The following TERT variants were observed in gnomAD, a reference collection of about 807,000 sequenced individuals.
TERT encodes the protein telomerase catalytic subunit.
In TERT, 42 loss-of-function variants were observed where a neutral mutation model predicts 104.0. The ratio of observed to expected loss-of-function variants is 0.40; its 90% confidence interval spans 0.32 to 0.52. The LOEUF is 0.52. Ranked by LOEUF, TERT falls within the 20% of genes least tolerant of loss-of-function variation. The probability of loss-of-function intolerance (pLI) is 0.43; values close to 1 mark genes in which losing one functional copy is unlikely to be tolerated. For missense variants in TERT, 1,101 were observed against 1,610.3 expected (o/e 0.68, Z 5.41); for synonymous variants, 781 against 725.6 (o/e 1.08, Z -1.23).
rs770410182 is a variant in TERT, at chr5:1,293,320, C to T, written c.1566G>A (p.Arg522=). ...CGGCCACCACCTCCTCACCTGGGCT[C>T]CTGCGCAGCCAAGCGCAGTCCCGCA... ...MSVRDCAWLR[R]SPGVGCVPAA... The change falls in exon 2 of 16, where the codon AGG becomes AGA. Residue 522 remains arginine, a synonymous_variant. Transcript: ENST00000310581. The T allele has an allele frequency of 1.9e-6, 3 of 1,612,978 alleles. No homozygotes were observed. The highest frequency in any genetic ancestry group is 2.2e-5 in the East Asian group (1 of 44,888).
At position 1,294,657 on chromosome 5, in the gene TERT, G is replaced by A. The variant is rs1751271727; in HGVS notation, c.229C>T (p.Leu77=). 1 of 1,595,398 alleles carries A rather than the reference G, an allele frequency of 6.3e-7. No individual in the cohort carries two copies. The highest frequency in any genetic ancestry group is 8.5e-7 in the Non-Finnish European group (1 of 1,178,686). The part of the protein sequence containing the change: ...AAPSFRQVSC[L]KELVARVLQR... ...AGCACTCGGGCCACCAGCTCCTTCA[G>A]GCAGGACACCTGCGGGGGAAGCGCC... Residue 77 remains leucine, a synonymous_variant, in exon 2 of 16, where the codon CTG becomes TTG. Coordinates refer to ENST00000310581, the MANE Select transcript of TERT (RefSeq NM_198253.3).
Position 1,287,226 on chromosome 5 carries a change from C to CAAA in TERT, c.1574-4603_1574-4602insTTT. On this transcript the variant is annotated intron_variant, in intron 2 of 15. Coordinates refer to ENST00000310581, the MANE Select transcript of TERT (RefSeq NM_198253.3). This position sits in a 1 kb window ranked among gnomAD's most constrained non-coding sequence, Gnocchi z 4.3. ...TAAAAGTGTTGAAAATTAGGCCAGACATGGTGGCTCATGCCTGTAATTCAG... is the reference window on the plus strand; with the variant it reads ...TAAAAGTGTTGAAAATTAGGCCAGACAAAATGGTGGCTCATGCCTGTAATTCAG... 6.6e-6 allele frequency among the ~76,000 whole-genome samples: 1 copy of CAAA among 152,124 alleles called. No homozygotes were observed. Among genetic ancestry groups the CAAA allele is most frequent in the South Asian group, 2.1e-4 (1 of 4,820 alleles).
At position 1,262,980 on chromosome 5, in the gene TERT, G is replaced by C. The variant is rs1184400058; in HGVS notation, c.2843+1424C>G. Among the ~76,000 whole-genome samples, 1 of 152,226 alleles carries C rather than the reference G, an allele frequency of 6.6e-6. No homozygotes were observed. Among genetic ancestry groups the C allele is most frequent in the Non-Finnish European group, 1.5e-5 (1 of 68,044 alleles). ...AGGCCAGGACCAGGTAAGGCTGTGA[G>C]AGGGAAGCAGGGACTGTGGGGAGCA... is the stretch of plus-strand genomic sequence containing the variant. On this transcript the variant is annotated intron_variant, in intron 11 of 15. Transcript: ENST00000310581. The surrounding 1 kb of genome is among the most constrained non-coding windows in gnomAD (Gnocchi z 5.6).
rs138068423 is a variant in TERT at position 1,263,584 on chromosome 5, T to A, written c.2843+820A>T. On this transcript the variant is annotated intron_variant, in intron 11 of 15. Coordinates refer to ENST00000310581, the MANE Select transcript of TERT (RefSeq NM_198253.3). This position sits in a 1 kb window ranked among gnomAD's most constrained non-coding sequence, Gnocchi z 5.3. ...AGGCCAGGCTAATTTTTGTATTTTT[T>A]AAGTAGAAATGGAATTTCACTATGT... 3.3e-3 allele frequency among the ~76,000 whole-genome samples: 509 copies of A among 152,312 alleles called. 2 individuals are homozygous for A. The highest frequency in any genetic ancestry group is 0.012 in the African/African-American group (485 of 41,570).
Position 1,255,416 on chromosome 5 carries a change from G to C in TERT, c.3033-5C>G. 6.2e-7 allele frequency: 1 copy of C among 1,614,060 alleles called. No homozygotes were observed. Among genetic ancestry groups the C allele is most frequent in the Non-Finnish European group, 8.5e-7 (1 of 1,180,032 alleles). ...TGCAGCACACATGCGTGAAACCTGA[G>C]AGGATGGCGGACAGCGTCAGAGGAA... On this transcript the variant is annotated splice_polypyrimidine_tract_variant and splice_region_variant and intron_variant, in intron 13 of 15. Coordinates refer to ENST00000310581, the MANE Select transcript of TERT (RefSeq NM_198253.3). The surrounding 1 kb of genome is among the most constrained non-coding windows in gnomAD (Gnocchi z 6.9).
In TERT at chr5:1,265,129, C is replaced by G. The variant is rs1748499456; in HGVS notation, c.2655-537G>C. On this transcript the variant is annotated intron_variant, in intron 10 of 15. Coordinates refer to ENST00000310581, the MANE Select transcript of TERT (RefSeq NM_198253.3). The surrounding 1 kb of genome is among the most constrained non-coding windows in gnomAD (Gnocchi z 6.9). Reference sequence around the variant, plus strand: ...CTGTGAGCTGGGCAACACCAGTCGTCAGCTTCACGTCAAGGAGGTTCCCTC... The same window carrying G: ...CTGTGAGCTGGGCAACACCAGTCGTGAGCTTCACGTCAAGGAGGTTCCCTC... 6.6e-6 allele frequency among the ~76,000 whole-genome samples: 1 copy of G among 152,212 alleles called. No individual in the cohort carries two copies. Among genetic ancestry groups the G allele is most frequent in the Admixed American group, 6.5e-5 (1 of 15,290 alleles).
At position 1,288,954 on chromosome 5, in the gene TERT, A is replaced by G. The variant is rs548657537; in HGVS notation, c.1573+4359T>C. On this transcript the variant is annotated intron_variant, in intron 2 of 15. Coordinates refer to ENST00000310581, the MANE Select transcript of TERT (RefSeq NM_198253.3). The surrounding 1 kb of genome is among the most constrained non-coding windows in gnomAD (Gnocchi z 5.3). ...AGAAGAGCCGAGCATCAGAAAAGAT[A>G]GGCTTGGGGACCAGCACTGCGCCTG... Among the ~76,000 whole-genome samples the G allele has an allele frequency of 2.6e-5, 4 of 152,298 alleles. No individual in the cohort carries two copies. The South Asian group carries it at 8.3e-4, about 32-fold the overall frequency.
In TERT at chr5:1,255,876, T is replaced by G. The variant is rs1256389922; in HGVS notation, c.3033-465A>C. On this transcript the variant is annotated intron_variant, in intron 13 of 15. Transcript: ENST00000310581. This position sits in a 1 kb window ranked among gnomAD's most constrained non-coding sequence, Gnocchi z 6.9. ...CCTTCTGAGCCACCCGCCCCTGTGG[T>G]GCATAAACCCTGGGTCTGGGGTGAT... 6.6e-6 allele frequency among the ~76,000 whole-genome samples: 1 copy of G among 152,090 alleles called. No individual in the cohort carries two copies. The highest frequency in any genetic ancestry group is 1.5e-5 in the Non-Finnish European group (1 of 68,002).
chr5:1,289,749 C>CA (rs1750752640), intron 2 of TERT, among the ~76,000 whole-genome samples: 2 of 101,946 alleles, frequency 2.0e-5, no homozygotes, highest in East Asian at 2.9e-4. Context: ...CAGGGACACC[C>CA]GGGGACAGTG....
At chr5:1,290,613 G>A (rs1194708456) in intron 2 of TERT, among the ~76,000 whole-genome samples, 8 of 61,960 alleles carry the variant, frequency 1.3e-4, no homozygotes, top group East Asian at 4.1e-4. Context: ...CACTCACCCT[G>A]AACGTGACAG....
rs763284609 is a variant in TERT, at chr5:1,260,614, G to T, written c.2844-14C>A. 6.2e-7 allele frequency: 1 copy of T among 1,613,408 alleles called. No homozygotes were observed. Among genetic ancestry groups the T allele is most frequent in the South Asian group, 1.1e-5 (1 of 90,854 alleles). On this transcript the variant is annotated splice_polypyrimidine_tract_variant and intron_variant, in intron 11 of 15. Transcript: ENST00000310581. ...GTCCGGGCATAGCTGAGACACAGGG[G>T]GGAATGTCAGACACAGGTGCCTGCC...
chr5:1,260,323 T>G, intron 12 of TERT, 151 bp downstream of exon 12: 3 of 1,270,688 alleles, frequency 2.4e-6, no homozygotes, highest in Admixed American at 1.7e-5. Context: ...CATGCACACA[T>G]GTATGTGCTC....
chr5:1,260,712 T>C, intron 11 of TERT, 112 bp from the exon 12 acceptor site: 1 of 1,500,698 alleles, frequency 6.7e-7, no homozygotes, highest in East Asian at 2.4e-5. Context: ...TTGTCCTGCC[T>C]GGGGCATGCG....
In TERT at chr5:1,269,790, T is replaced by C. The variant is rs1409278847; in HGVS notation, c.2469-1157A>G. Among the ~76,000 whole-genome samples, 2 of 152,020 alleles carry C rather than the reference T, an allele frequency of 1.3e-5. No individual in the cohort carries two copies. Among genetic ancestry groups the C allele is most frequent in the South Asian group, 2.1e-4 (1 of 4,814 alleles). ...CCTGTGAGCACATGGGATGGGAAAC[T>C]CTCTCTGTTCTTAGTTTTTGGGGCA... On this transcript the variant is annotated intron_variant, in intron 8 of 15. Transcript: ENST00000310581. This position sits in a 1 kb window ranked among gnomAD's most constrained non-coding sequence, Gnocchi z 9.0.
intron 2 of TERT, among the ~76,000 whole-genome samples, chr5:1,291,395 C>G (rs149382195): frequency 3.5e-5 from 1 of 28,600 alleles, no homozygotes; most frequent in East Asian, 1.2e-3. Context: ...CCGGGGACAG[C>G]GCCTCACTCA....
rs1180349549 is a variant in TERT, at chr5:1,264,329, A to G, written c.2843+75T>C. 4 of 1,473,610 alleles carry G rather than the reference A, an allele frequency of 2.7e-6. No individual in the cohort carries two copies. In the East Asian group the frequency reaches 9.8e-5, roughly 36 times the overall value. 91.3% of individuals were successfully genotyped at this position (1,473,610 alleles called of 1,614,324 possible). A position where few individuals can be genotyped will look rare whatever the true frequency, so the allele number is the denominator to read the frequency against. ...AGTCGCCTGCCCCACACGGAAGCAG[A>G]GGTGGACGCAACGGCCCTGCAGCAG... On this transcript the variant is annotated intron_variant, in intron 11 of 15. Coordinates refer to ENST00000310581, the MANE Select transcript of TERT (RefSeq NM_198253.3).
At position 1,253,329 on chromosome 5, in the gene TERT, A is replaced by G; in HGVS notation, c.*399T>C. The G allele has an allele frequency of 2.5e-6, 1 of 403,334 alleles. No individual in the cohort carries two copies. Among genetic ancestry groups the G allele is most frequent in the South Asian group, 2.9e-5 (1 of 34,304 alleles). 25.0% of individuals were successfully genotyped at this position (403,334 alleles called of 1,614,324 possible). On this transcript the variant is annotated 3_prime_UTR_variant, in exon 16 of 16. Coordinates refer to ENST00000310581, the MANE Select transcript of TERT (RefSeq NM_198253.3). ...TCCCAGAGCTCCCAGGGTCCTTCTC[A>G]GGGTCTCCACCTGGATGGTGGGGGT... is the stretch of plus-strand genomic sequence containing the variant.
At chr5:1,258,103 C>T (rs902760881) in intron 13 of TERT, among the ~76,000 whole-genome samples, 13 of 152,206 alleles carry the variant, frequency 8.5e-5, no homozygotes, top group Non-Finnish European at 1.6e-4. Flanking sequence ...ACAGCCATGC[C>T]CAGAGCACAG....
intron 2 of TERT, among the ~76,000 whole-genome samples, chr5:1,290,344 G>C (rs1278863061): frequency 2.3e-4 from 11 of 48,650 alleles, no homozygotes; most frequent in East Asian, 5.0e-4. Flanking sequence ...ACCCGGGGAC[G>C]GCACCTCACT....
Sources: allele counts gnomAD v4.1 joint callset (sites outside exome capture counted in the v4.1 genomes callset), GRCh38; gene constraint gnomAD v4.1.1; non-coding constraint Gnocchi (gnomAD v3.1); transcripts MANE v1.5; gene names NCBI Gene and HGNC (gene_info 2026-07-23, HGNC 2026-07-21).